CDKL2: variants seen among roughly 807,000 people sequenced by gnomAD.
CDKL2 encodes the protein cyclin-dependent kinase-like 2.
Under a neutral mutation model 63.9 loss-of-function variants are expected in CDKL2, and 64 were observed. The ratio of observed to expected loss-of-function variants is 1.00; its 90% CI spans 0.82 to 1.23. The LOEUF (loss-of-function observed/expected upper bound fraction) is 1.23, where lower values mean the gene tolerates loss of function less well. Among genes scored for constraint, CDKL2 ranks in the 50% most tolerant of loss-of-function variants. The pLI, the probability that CDKL2 is intolerant of heterozygous loss-of-function variation, is 0.00. For synonymous variants in CDKL2, 211 were observed against 229.2 expected (o/e 0.92, Z 0.72); for missense variants, 656 against 668.0 (o/e 0.98, Z 0.20).
At chr4:75,606,289 A>T (rs1375434172) in intron 4 of CDKL2, among the ~76,000 whole-genome samples, 1 of 150,792 alleles carries the variant, frequency 6.6e-6, no homozygotes, top group Non-Finnish European at 1.5e-5. Context: ...ATCTCAGCTC[A>T]CTGCAACCTC....
intron 12 of CDKL2, among the ~76,000 whole-genome samples, chr4:75,589,453 T>G (rs1044362140): frequency 6.6e-6 from 1 of 150,962 alleles, no homozygotes; most frequent in African/African-American, 2.4e-5. Flanking sequence ...TACAGGCGCC[T>G]GCCACTACGC....
At chr4:75,591,999 C>T (rs1728735873) in intron 11 of CDKL2, 74 bp from the exon 12 acceptor site, 11 of 1,338,238 alleles carry the variant, frequency 8.2e-6, no homozygotes, top group South Asian at 2.6e-5. Context: ...ACATTCTCTA[C>T]GTGTTCCTCA....
At chr4:75,625,785 C>G in intron 2 of CDKL2, 36 bp downstream of exon 2, 1 of 1,492,418 alleles carries the variant, frequency 6.7e-7, no homozygotes, top group Non-Finnish European at 9.2e-7. Context: ...GAAACTTATA[C>G]TCATATTTTT....
At chr4:75,595,691 G>A (rs1179018892) in intron 10 of CDKL2, among the ~76,000 whole-genome samples, 1 of 152,092 alleles carries the variant, frequency 6.6e-6, no homozygotes, top group African/African-American at 2.4e-5. Flanking sequence ...CAGCACTTTG[G>A]GAGGCCAAGG....
chr4:75,584,394 T>A (rs1334458652), intron 12 of CDKL2, among the ~76,000 whole-genome samples: 13 of 152,166 alleles, frequency 8.5e-5, no homozygotes, highest in Admixed American at 8.5e-4. Context: ...CATATGGAAC[T>A]AAATTAGCCC....
intron 2 of CDKL2, among the ~76,000 whole-genome samples, chr4:75,617,085 A>G (rs1436305719): frequency 6.6e-6 from 1 of 152,162 alleles, no homozygotes; most frequent in Non-Finnish European, 1.5e-5. Flanking sequence ...AGTACTTTTG[A>G]ACTAGTTGGT....
chr4:75,586,010 T>C (rs1308041694), intron 12 of CDKL2, among the ~76,000 whole-genome samples: 1 of 152,076 alleles, frequency 6.6e-6, no homozygotes, highest in South Asian at 2.1e-4. Context: ...ATCACCAAGA[T>C]AGACCGTAGA....
chr4:75,592,008 C>T (rs1728736787), intron 11 of CDKL2, 83 bp from the exon 12 acceptor site: 1 of 1,294,492 alleles, frequency 7.7e-7, no homozygotes. Flanking sequence ...ACGTGTTCCT[C>T]AGTATGTACT....
chr4:75,592,925 G>A (rs1351284917), intron 10 of CDKL2, among the ~76,000 whole-genome samples: 1 of 152,150 alleles, frequency 6.6e-6, no homozygotes, highest in Non-Finnish European at 1.5e-5. Context: ...CTTCAATTCT[G>A]CATCCTTATG....
At chr4:75,589,255 G>C (rs1326344545) in intron 12 of CDKL2, among the ~76,000 whole-genome samples, 1 of 148,558 alleles carries the variant, frequency 6.7e-6, no homozygotes, top group African/African-American at 2.5e-5. Flanking sequence ...ATTGCTGGTT[G>C]AAATACAAAA....
chr4:75,614,197 A>C, intron 3 of CDKL2, 58 bp downstream of exon 3: 1 of 1,112,566 alleles, frequency 9.0e-7, no homozygotes. Flanking sequence ...AATAAGACAG[A>C]TTAAAGGATT....
At chr4:75,600,250 A>C in intron 7 of CDKL2, 31 bp downstream of exon 7, 4 of 1,378,816 alleles carry the variant, frequency 2.9e-6, no homozygotes, top group Non-Finnish European at 4.1e-6. Flanking sequence ...CTAGGTTGGT[A>C]TGGCCTGAAA....
Position 75,576,910 on chromosome 4 carries a change from A to G in CDKL2, c.*2292T>C, listed in dbSNP as rs1728046340. ...GGTTCTGTCACAACTATTACCAGTT[A>G]GTCTTTATAAGAAATGTTATTTTAT... On this transcript the variant is annotated 3_prime_UTR_variant, in exon 14 of 14. Transcript: ENST00000307465. 6.6e-6 allele frequency among the ~76,000 whole-genome samples: 1 copy of G among 152,252 alleles called. No individual in the cohort carries two copies. The highest frequency in any genetic ancestry group is 2.4e-5 in the African/African-American group (1 of 41,470).
At position 75,586,452 on chromosome 4, in the gene CDKL2, G is replaced by A. The variant is rs941447226; in HGVS notation, c.1648-4554C>T. On this transcript the variant is annotated intron_variant, in intron 12 of 13. Coordinates refer to ENST00000307465, the MANE Select transcript of CDKL2 (RefSeq NM_001330724.2). The stretch of plus-strand genomic sequence containing the variant: ...CATGTTAGCTAGCCAGTAAGGTCTC[G>A]ATCTCCTGACCTTGTGATCTGCCCA... Among the ~76,000 whole-genome samples the A allele has an allele frequency of 1.3e-4, 19 of 151,972 alleles. No individual in the cohort carries two copies. The East Asian group carries it at 1.4e-3, about 11-fold the overall frequency.
At chr4:75,611,934 G>A (rs1297628335) in intron 3 of CDKL2, among the ~76,000 whole-genome samples, 3 of 151,464 alleles carry the variant, frequency 2.0e-5, no homozygotes, top group Non-Finnish European at 4.4e-5. Flanking sequence ...AATTACAGGC[G>A]TGAGCCACTG....
Position 75,579,637 on chromosome 4 carries a change from T to C in CDKL2, c.*24-459A>G, listed in dbSNP as rs376841301. Among the ~76,000 whole-genome samples, 136 of 152,204 alleles carry C rather than the reference T, an allele frequency of 8.9e-4. 2 individuals are homozygous for C. In the East Asian group the frequency reaches 0.02, roughly 22 times the overall value. On this transcript the variant is annotated intron_variant, in intron 13 of 13. Transcript: ENST00000307465. ...GTTGCAGTGAGCAGAGATCACGCCATTGCACTCCAGCCTGGGCAACAAGAG... is the reference window on the plus strand; with the variant it reads ...GTTGCAGTGAGCAGAGATCACGCCACTGCACTCCAGCCTGGGCAACAAGAG...
intron 12 of CDKL2, among the ~76,000 whole-genome samples, chr4:75,588,653 T>C (rs1328374476): frequency 1.3e-5 from 2 of 152,210 alleles, no homozygotes; most frequent in Admixed American, 1.3e-4. Flanking sequence ...ACAGTAAATG[T>C]GTATGTATAT....
intron 2 of CDKL2, among the ~76,000 whole-genome samples, chr4:75,615,781 C>T (rs1729901456): frequency 6.6e-6 from 1 of 152,078 alleles, no homozygotes; most frequent in South Asian, 2.1e-4. Flanking sequence ...TCACTTGAGG[C>T]CAGGAATTTG....
intron 2 of CDKL2, 28 bp from the exon 3 acceptor site, chr4:75,614,477 T>C (rs759166791): frequency 1.4e-6 from 2 of 1,456,092 alleles, no homozygotes; most frequent in South Asian, 2.7e-5. Flanking sequence ...AAAATAGCTG[T>C]TATTTAAAAA....
Sources: gnomAD v4.1 joint callset for allele counts (sites outside exome capture counted in the v4.1 genomes callset) on GRCh38, gnomAD v4.1.1 for gene constraint, MANE v1.5 for transcripts, NCBI Gene and HGNC (gene_info 2026-07-23, HGNC 2026-07-21) for gene names.